The following PTPN14 variants were observed in gnomAD, a reference collection of about 807,000 sequenced individuals.
PTPN14 encodes protein tyrosine phosphatase non-receptor type 14, also known as tyrosine-protein phosphatase non-receptor type 14.
A neutral mutation model predicts 126.8 loss-of-function variants in PTPN14; 53 were observed. The observed-to-expected ratio is 0.42, with a 90% CI of 0.34 to 0.53. PTPN14 has a LOEUF of 0.53. Ranked by LOEUF, PTPN14 falls within the 20% of genes least tolerant of loss-of-function variation. The pLI is 0.08. For missense variants in PTPN14, 1,257 were observed against 1,552.9 expected, an observed-to-expected ratio of 0.81 and a Z score of 3.20; for synonymous variants, 630 against 599.3, an observed-to-expected ratio of 1.05 and a Z score of -0.75.
chr1:214,428,736 C>G (rs1330213321), intron 3 of PTPN14, among the ~76,000 whole-genome samples: 1 of 152,188 alleles, frequency 6.6e-6, no homozygotes, highest in Non-Finnish European at 1.5e-5. Flanking sequence ...AAACACTGCT[C>G]TCACCCAGGG....
intron 16 of PTPN14, among the ~76,000 whole-genome samples, chr1:214,370,656 T>C (rs1658197569): frequency 6.6e-6 from 1 of 152,216 alleles, no homozygotes; most frequent in Non-Finnish European, 1.5e-5. Flanking sequence ...CTTTCTCCCT[T>C]GATTTTATAA....
chr1:214,450,248 GA>G (rs1660244355), intron 3 of PTPN14, among the ~76,000 whole-genome samples: 1 of 151,998 alleles, frequency 6.6e-6, no homozygotes, highest in Admixed American at 6.6e-5. Context: ...AAGGCGGGCA[GA>G]TCATTTGAGG....
intron 18 of PTPN14, among the ~76,000 whole-genome samples, chr1:214,359,112 G>C (rs1379843689): frequency 6.6e-6 from 1 of 152,044 alleles, no homozygotes; most frequent in African/African-American, 2.4e-5. Flanking sequence ...CTGTGGTCAT[G>C]ATCAAGTGAG....
chr1:214,402,848 T>C (rs1659066070), intron 6 of PTPN14, 35 bp downstream of exon 6: 4 of 1,605,642 alleles, frequency 2.5e-6, no homozygotes, highest in Non-Finnish European at 3.4e-6. Context: ...AAACATCTGT[T>C]GTGCAGGCAG....
intron 10 of PTPN14, among the ~76,000 whole-genome samples, chr1:214,393,321 C>T (rs986387104): frequency 1.2e-4 from 19 of 152,138 alleles, no homozygotes; most frequent in Non-Finnish European, 2.5e-4. Flanking sequence ...TTCAAGCTAG[C>T]TCGTCACTCT....
intron 1 of PTPN14, among the ~76,000 whole-genome samples, chr1:214,495,659 TTTTTTTTATTTATTTATTTATTTA>T (rs1298219407): frequency 1.1e-4 from 17 of 148,416 alleles, no homozygotes; most frequent in African/African-American, 2.3e-4. Flanking sequence ...TGCTATTTTA[TTTTTTTTATTTATTTATTTATTTA>T]TTTATTTATT....
intron 1 of PTPN14, among the ~76,000 whole-genome samples, chr1:214,527,829 GT>G (rs1464518574): frequency 6.6e-6 from 1 of 152,186 alleles, no homozygotes; most frequent in Admixed American, 6.5e-5. Context: ...GTTTTAAAAT[GT>G]TTTTCTCTTC....
At position 214,384,403 on chromosome 1, in the gene PTPN14, C is replaced by T. The variant is rs766859583; in HGVS notation, c.1452G>A (p.Val484=). 6.8e-6 allele frequency: 11 copies of T among 1,614,174 alleles called. No homozygotes were observed. In the East Asian group the frequency reaches 2.5e-4, roughly 36 times the overall value. Residue 484 remains valine (V), a synonymous_variant, in exon 13 of 19, where the codon GTG becomes GTA. Transcript: ENST00000366956. This position sits in a 1 kb window ranked among gnomAD's most constrained non-coding sequence, Gnocchi z 5.3. ...THAYNQPEDL[V]YSQPEMRERH... is the part of the protein sequence containing the mutation. Reference sequence around the variant, plus strand: ...TCTCCCGCATCTCCGGTTGGCTGTACACCAGATCCTCTGGCTGGTTGTAGG... The same window carrying T: ...TCTCCCGCATCTCCGGTTGGCTGTATACCAGATCCTCTGGCTGGTTGTAGG...
chr1:214,522,625 T>C (rs1453049849), intron 1 of PTPN14, among the ~76,000 whole-genome samples: 1 of 152,190 alleles, frequency 6.6e-6, no homozygotes, highest in African/African-American at 2.4e-5. Context: ...TTAACATTCA[T>C]TGAGCCTACA....
In PTPN14 at chr1:214,488,989, C is replaced by T. The variant is rs868865868; in HGVS notation, c.-154-24032G>A. 6.6e-5 allele frequency among the ~76,000 whole-genome samples: 10 copies of T among 152,222 alleles called. No individual in the cohort carries two copies. The East Asian group carries it at 1.7e-3, about 26-fold the overall frequency. On this transcript the variant is annotated intron_variant, in intron 1 of 18. Coordinates refer to ENST00000366956, the MANE Select transcript of PTPN14 (RefSeq NM_005401.5). ...CAGCATTCAAAGACATCAGAATTTC[C>T]ACTAGTTCATGGTGTAGCTAAGGCT...
chr1:214,421,205 T>C (rs1659536856), intron 3 of PTPN14, among the ~76,000 whole-genome samples: 1 of 152,214 alleles, frequency 6.6e-6, no homozygotes, highest in Admixed American at 6.5e-5. Context: ...AACAATGGAA[T>C]ATTATTCAGC....
At chr1:214,464,175 G>A (rs1287716121) in intron 2 of PTPN14, among the ~76,000 whole-genome samples, 2 of 53,000 alleles carry the variant, frequency 3.8e-5, no homozygotes, top group East Asian at 8.8e-4. Flanking sequence ...CTCTTTATTC[G>A]GTGGGGTTTT....
intron 3 of PTPN14, among the ~76,000 whole-genome samples, chr1:214,415,701 T>A (rs1659410709): frequency 6.6e-6 from 1 of 152,154 alleles, no homozygotes; most frequent in Non-Finnish European, 1.5e-5. Context: ...ACAGGCATCA[T>A]TACACATCAG....
intron 5 of PTPN14, among the ~76,000 whole-genome samples, 166 bp downstream of exon 5, chr1:214,411,518 A>AT (rs1413819010): frequency 6.6e-6 from 1 of 152,168 alleles, no homozygotes; most frequent in Admixed American, 6.5e-5. Context: ...AGAAGAAGGC[A>AT]TTTTTACCTT....
At chr1:214,501,571 T>C (rs746691694) in intron 1 of PTPN14, among the ~76,000 whole-genome samples, 4 of 152,122 alleles carry the variant, frequency 2.6e-5, no homozygotes, top group Admixed American at 2.6e-4. Context: ...TATGAACAAT[T>C]AGGCTATAAA....
intron 1 of PTPN14, among the ~76,000 whole-genome samples, chr1:214,469,161 A>T (rs1051194606): frequency 6.6e-6 from 1 of 152,208 alleles, no homozygotes; most frequent in African/African-American, 2.4e-5. Context: ...ACACTAATCT[A>T]TAACAATAGG....
chr1:214,454,468 C>T (rs1660338155), intron 2 of PTPN14, among the ~76,000 whole-genome samples: 1 of 152,072 alleles, frequency 6.6e-6, no homozygotes, highest in South Asian at 2.1e-4. Context: ...CAGACCTGAC[C>T]TCCACCCCAG....
At chr1:214,403,170 C>G (rs6657749) in intron 5 of PTPN14, among the ~76,000 whole-genome samples, 1 of 152,030 alleles carries the variant, frequency 6.6e-6, no homozygotes, top group Admixed American at 6.5e-5. Context: ...TATTTCCAGG[C>G]ATATTTTGGG....
chr1:214,526,820 G>A (rs951279987), intron 1 of PTPN14, among the ~76,000 whole-genome samples: 3 of 152,186 alleles, frequency 2.0e-5, no homozygotes, highest in African/African-American at 2.4e-5. Flanking sequence ...GGCCGGGCGC[G>A]GTGGCTCACG....
Sources: allele counts gnomAD v4.1 joint callset (sites outside exome capture counted in the v4.1 genomes callset), GRCh38; gene constraint gnomAD v4.1.1; non-coding constraint Gnocchi (gnomAD v3.1); transcripts MANE v1.5; gene names NCBI Gene and HGNC (gene_info 2026-07-23, HGNC 2026-07-21).